MSH4: variants seen among roughly 807,000 people sequenced by gnomAD.
MSH4 encodes mutS homolog 4.
A neutral mutation model predicts 113.7 loss-of-function variants in MSH4; 106 were observed. The observed-to-expected ratio is 0.93, with a 90% CI of 0.80 to 1.10. MSH4 has a LOEUF of 1.10. Ranked by LOEUF, MSH4 falls within the 50% of genes least tolerant of loss-of-function variation. The pLI, the probability that MSH4 is intolerant of heterozygous loss-of-function variation, is 0.00. For missense variants in MSH4, 1,061 were observed against 1,093.7 expected (o/e 0.97, Z 0.42); for synonymous variants, 368 against 380.2 (o/e 0.97, Z 0.37).
intron 8 of MSH4, among the ~76,000 whole-genome samples, chr1:75,864,544 A>T (rs1651522335): frequency 6.6e-6 from 1 of 152,224 alleles, no homozygotes; most frequent in South Asian, 2.1e-4. Context: ...TTTTAGCCGT[A>T]GCATTTTAAT....
intron 15 of MSH4, among the ~76,000 whole-genome samples, chr1:75,886,402 A>G (rs1258565535): frequency 8.9e-6 from 1 of 111,954 alleles, no homozygotes; most frequent in Non-Finnish European, 1.6e-5. Flanking sequence ...ATGATGTATT[A>G]TATATTATAT....
intron 7 of MSH4, among the ~76,000 whole-genome samples, chr1:75,830,800 G>A (rs577437919): frequency 5.8e-4 from 88 of 152,226 alleles, no homozygotes; most frequent in Non-Finnish European, 1.1e-3. Flanking sequence ...CACTAAACAT[G>A]GAAAGGAACA....
At chr1:75,886,664 A>T (rs1296161695) in intron 15 of MSH4, among the ~76,000 whole-genome samples, 42 of 133,636 alleles carry the variant, frequency 3.1e-4, no homozygotes, top group African/African-American at 1.1e-3. Flanking sequence ...AGAAATATAT[A>T]CATTATACAT....
At chr1:75,853,556 A>G (rs60164663) in intron 8 of MSH4, among the ~76,000 whole-genome samples, 31,435 of 151,972 alleles carry the variant, frequency 0.21, 3,813 homozygotes, top group African/African-American at 0.3. Context: ...CATTTAATTA[A>G]TAAGTATTTT....
chr1:75,889,497 GCAGT>G (rs1458476592), intron 16 of MSH4, 128 bp downstream of exon 16: 10 of 451,786 alleles, frequency 2.2e-5, no homozygotes, highest in African/African-American at 8.2e-5. Context: ...GAGCCAGAGG[GCAGT>G]CAAAGACAGC....
chr1:75,856,404 C>T (rs1018588513), intron 8 of MSH4, among the ~76,000 whole-genome samples: 1 of 152,132 alleles, frequency 6.6e-6, no homozygotes, highest in African/African-American at 2.4e-5. Context: ...CCATCACCTA[C>T]ATTAGGTATT....
At chr1:75,858,493 G>A (rs1243926636) in intron 8 of MSH4, among the ~76,000 whole-genome samples, 1 of 152,118 alleles carries the variant, frequency 6.6e-6, no homozygotes. Flanking sequence ...TGAATTTTCT[G>A]AAGGCCTTTT....
intron 19 of MSH4, among the ~76,000 whole-genome samples, chr1:75,902,412 G>A (rs546109696): frequency 8.6e-4 from 131 of 151,448 alleles, no homozygotes; most frequent in Non-Finnish European, 1.3e-3. Flanking sequence ...ATGTCCATGT[G>A]TACCCATTGT....
At chr1:75,851,914 A>G (rs1557509558) in intron 8 of MSH4, among the ~76,000 whole-genome samples, 1 of 152,194 alleles carries the variant, frequency 6.6e-6, no homozygotes, top group Non-Finnish European at 1.5e-5. Flanking sequence ...TTCAAAGCCT[A>G]CAATTTAATT....
intron 9 of MSH4, among the ~76,000 whole-genome samples, chr1:75,873,290 AAAT>A: frequency 6.6e-6 from 1 of 152,188 alleles, no homozygotes; most frequent in Non-Finnish European, 1.5e-5. Flanking sequence ...TTTTCATCAA[AAAT>A]AATGTTTATG....
chr1:75,896,406 C>T (rs898202253), intron 17 of MSH4, among the ~76,000 whole-genome samples: 28 of 148,112 alleles, frequency 1.9e-4, no homozygotes, highest in Non-Finnish European at 3.2e-4. Context: ...CTATTGGTCT[C>T]TTTCTCTGGA....
chr1:75,815,419 A>G (rs1473003131), intron 5 of MSH4, among the ~76,000 whole-genome samples: 1 of 152,222 alleles, frequency 6.6e-6, no homozygotes, highest in Non-Finnish European at 1.5e-5. Flanking sequence ...GTCATAAGCT[A>G]TTGACCTAAT....
chr1:75,886,632 A>T (rs867502184), intron 15 of MSH4, among the ~76,000 whole-genome samples: 16 of 116,626 alleles, frequency 1.4e-4, no homozygotes, highest in Admixed American at 2.9e-4. Context: ...AAATATATAA[A>T]TATATAATTA....
chr1:75,841,305 CT>C (rs1257516899), intron 7 of MSH4, among the ~76,000 whole-genome samples: 1 of 151,964 alleles, frequency 6.6e-6, no homozygotes, highest in African/African-American at 2.4e-5. Flanking sequence ...TCAAGTGATC[CT>C]TTTGCTGCAG....
At chr1:75,883,486 A>C in intron 14 of MSH4, 135 bp from the exon 15 acceptor site, 1 of 684,246 alleles carries the variant, frequency 1.5e-6, no homozygotes, top group Admixed American at 3.0e-5. Context: ...ATTTGGGATA[A>C]TATAGTACCT....
chr1:75,881,445 T>C, intron 14 of MSH4, 75 bp downstream of exon 14: 1 of 1,460,890 alleles, frequency 6.8e-7, no homozygotes, highest in Non-Finnish European at 9.3e-7. Flanking sequence ...GATATAATAG[T>C]TATGACATTT....
intron 7 of MSH4, among the ~76,000 whole-genome samples, chr1:75,830,425 A>G (rs1650656853): frequency 6.6e-6 from 1 of 152,314 alleles, no homozygotes; most frequent in East Asian, 1.9e-4. Flanking sequence ...ATTCAAATTC[A>G]GGAAATACAG....
intron 7 of MSH4, among the ~76,000 whole-genome samples, chr1:75,826,413 T>TC (rs1307246427): frequency 2.0e-5 from 3 of 152,324 alleles, no homozygotes; most frequent in Admixed American, 6.5e-5. Context: ...AAAAACCAGC[T>TC]CCCCGGTTCA....
At chr1:75,855,863 T>C (rs908802591) in intron 8 of MSH4, among the ~76,000 whole-genome samples, 4 of 152,198 alleles carry the variant, frequency 2.6e-5, no homozygotes, top group African/African-American at 7.2e-5. Flanking sequence ...TTTAACAGTG[T>C]ATAAGTGAAG....
Sources: allele counts gnomAD v4.1 joint callset (sites outside exome capture counted in the v4.1 genomes callset), GRCh38; gene constraint gnomAD v4.1.1; transcripts MANE v1.5; gene names NCBI Gene and HGNC (gene_info 2026-07-23, HGNC 2026-07-21).